GABRQ: variants seen among roughly 807,000 people sequenced by gnomAD.
GABRQ encodes gamma-aminobutyric acid type A receptor subunit theta.
Under a neutral mutation model 30.5 loss-of-function variants are expected in GABRQ, and 19 were observed. The ratio of observed to expected loss-of-function variants is 0.62; its 90% CI spans 0.43 to 0.91. The LOEUF (loss-of-function observed/expected upper bound fraction) is 0.91. Among genes scored for constraint, GABRQ ranks in the 40% least tolerant of loss-of-function variants. GABRQ has a pLI of 0.00. For synonymous variants in GABRQ, 187 were observed against 210.2 expected, an observed-to-expected ratio of 0.89 and a Z score of 0.95; for missense variants, 520 against 521.4, an observed-to-expected ratio of 1.00 and a Z score of 0.03.
chrX:152,657,963 G>A (rs1488272598), downstream of GABRQ, among the ~76,000 whole-genome samples: 1 of 112,092 alleles, frequency 8.9e-6, no homozygotes, highest in Non-Finnish European at 1.9e-5. Context: ...AAACAAAAGG[G>A]TTGGAGGAAA....
chrX:152,649,189 C>T, intron 4 of GABRQ, 62 bp from the exon 5 acceptor site: 3 of 745,659 alleles, frequency 4.0e-6, no homozygotes, highest in Non-Finnish European at 6.4e-6. Context: ...GCAGTTTCCT[C>T]AGCAATGGTT....
intron 2 of GABRQ, among the ~76,000 whole-genome samples, chrX:152,642,542 G>A (rs1556818559): frequency 8.9e-6 from 1 of 112,826 alleles, no homozygotes; most frequent in East Asian, 2.8e-4. Context: ...GCAAAAGGCC[G>A]CCCTTGAGGG....
At chrX:152,645,411 G>T in intron 2 of GABRQ, 116 bp from the exon 3 acceptor site, 1 of 504,324 alleles carries the variant, frequency 2.0e-6, no homozygotes. Context: ...GACTTACTCA[G>T]GATCACACAA....
intron 4 of GABRQ, among the ~76,000 whole-genome samples, chrX:152,648,341 ATTC>A (rs1930937635): frequency 1.9e-5 from 2 of 106,563 alleles, no homozygotes; most frequent in African/African-American, 6.8e-5. Context: ...GACCCCTCAG[ATTC>A]TTCTTCTTTT....
At chrX:152,647,843 T>C (rs1556819478) in intron 4 of GABRQ, among the ~76,000 whole-genome samples, 1 of 112,096 alleles carries the variant, frequency 8.9e-6, no homozygotes, top group African/African-American at 3.2e-5. Flanking sequence ...CAAAGACGTG[T>C]GTAAGAGATC....
At chrX:152,647,356 G>A (rs781786677) in intron 4 of GABRQ, among the ~76,000 whole-genome samples, 188 bp downstream of exon 4, 1 of 111,687 alleles carries the variant, frequency 9.0e-6, no homozygotes, top group South Asian at 3.8e-4. Context: ...GACACCCTTA[G>A]CTGTTCTGTC....
chrX:152,652,242 G>A (rs782231453), intron 8 of GABRQ, among the ~76,000 whole-genome samples: 18 of 112,830 alleles, frequency 1.6e-4, no homozygotes, highest in African/African-American at 5.1e-4. Context: ...CAGAAAGCCC[G>A]GTCCTGCCTG....
In GABRQ at chrX:152,653,318, G is replaced by T; in HGVS notation, c.*37G>T. ...TCCAGAACAGCGGGAGCACTGTGCT[G>T]TGCTCCTTTCAGTTTCTTTTGGGTT... On this transcript the variant is annotated 3_prime_UTR_variant, in exon 9 of 9. Transcript: ENST00000598523. The T allele has an allele frequency of 8.7e-6, 9 of 1,038,072 alleles. No homozygotes were observed. Among genetic ancestry groups the T allele is most frequent in the Non-Finnish European group, 1.1e-5 (8 of 761,872 alleles). 85.5% of individuals were successfully genotyped at this position (1,038,072 alleles called of 1,213,427 possible). A position where few individuals can be genotyped will look rare whatever the true frequency, so the allele number is the denominator to read the frequency against.
intron 2 of GABRQ, among the ~76,000 whole-genome samples, chrX:152,641,111 G>A (rs1208864835): frequency 8.9e-6 from 1 of 111,839 alleles, no homozygotes; most frequent in Non-Finnish European, 1.9e-5. Flanking sequence ...GATTAGAAAC[G>A]ACAAAGAAGC....
chrX:152,642,045 T>C lies in GABRQ; in HGVS notation c.238+1579T>C. 1.8e-5 allele frequency among the ~76,000 whole-genome samples: 2 copies of C among 111,561 alleles called. 1 individual carries two copies. Among genetic ancestry groups the C allele is most frequent in the East Asian group, 5.7e-4 (2 of 3,539 alleles). On this transcript the variant is annotated intron_variant, in intron 2 of 8. Transcript: ENST00000598523. The stretch of plus-strand genomic sequence containing the variant: ...CTGGGGAGGGTTACCCTAAGCTTTG[T>C]GGACGTGCACACCTGCAGCGTGTGA...
intron 2 of GABRQ, among the ~76,000 whole-genome samples, chrX:152,642,956 T>C (rs1369482213): frequency 8.9e-5 from 10 of 112,729 alleles, no homozygotes; most frequent in African/African-American, 3.2e-4. Flanking sequence ...GTGAGGGGAA[T>C]GTGAACTGCA....
At chrX:152,658,171 C>T (rs1556821367), downstream of GABRQ, among the ~76,000 whole-genome samples, 1 of 111,776 alleles carries the variant, frequency 8.9e-6, no homozygotes, top group Admixed American at 9.5e-5. Context: ...CAGAAGCACT[C>T]TGTGTGCCCT....
chrX:152,657,710 G>A (rs73244120), downstream of GABRQ, among the ~76,000 whole-genome samples: 63 of 112,119 alleles, frequency 5.6e-4, no homozygotes, highest in Non-Finnish European at 8.3e-4. Flanking sequence ...TTTTCAAGCC[G>A]AGGGGAATTA....
intron 6 of GABRQ, 90 bp from the exon 7 acceptor site, chrX:152,650,338 T>C: frequency 1.3e-6 from 1 of 789,175 alleles, no homozygotes. Context: ...AACTTCCCAT[T>C]GCTCTCCCCT....
Position 152,647,142 on chromosome X carries a change from A to G in GABRQ, c.501A>G (p.Pro167=). The change falls in exon 4 of 9, where the codon CCA becomes CCG. Residue 167 remains proline (P), a synonymous_variant. Coordinates refer to ENST00000598523, the MANE Select transcript of GABRQ (RefSeq NM_018558.4). ...AGAATCGCGTGTTTCAGCTTCACCC[A>G]GATGGAACGGTGCGGTACGGCATCC... The part of the protein sequence containing the change: ...TVENRVFQLH[P]DGTVRYGIRL... 1 of 1,208,005 alleles carries G rather than the reference A, an allele frequency of 8.3e-7. No individual in the cohort carries two copies. The highest frequency in any genetic ancestry group is 1.1e-6 in the Non-Finnish European group (1 of 891,979).
intron 1 of GABRQ, among the ~76,000 whole-genome samples, 170 bp downstream of exon 1, chrX:152,638,521 G>C (rs1460253240): frequency 8.9e-6 from 1 of 112,001 alleles, no homozygotes; most frequent in Non-Finnish European, 1.9e-5. Flanking sequence ...CCTAGAAGGG[G>C]TAAGGTGGGA....
At chrX:152,644,759 G>A (rs184169615) in intron 2 of GABRQ, among the ~76,000 whole-genome samples, 135 of 111,576 alleles carry the variant, frequency 1.2e-3, no homozygotes, top group African/African-American at 4.3e-3. Flanking sequence ...CATATGTTCA[G>A]TCCCACAAAA....
intron 4 of GABRQ, 91 bp from the exon 5 acceptor site, chrX:152,649,160 C>A: frequency 1.7e-6 from 1 of 605,778 alleles, no homozygotes; most frequent in Non-Finnish European, 2.9e-6. Flanking sequence ...CTTGGGATAA[C>A]TCTTCCCTCC....
At chrX:152,642,574 G>A (rs1930784605) in intron 2 of GABRQ, among the ~76,000 whole-genome samples, 1 of 112,744 alleles carries the variant, frequency 8.9e-6, no homozygotes. Flanking sequence ...TTAGCACCTG[G>A]CATGATTTAG....
Sources: allele counts gnomAD v4.1 joint callset (sites outside exome capture counted in the v4.1 genomes callset), GRCh38; gene constraint gnomAD v4.1.1; transcripts MANE v1.5; gene names NCBI Gene and HGNC (gene_info 2026-07-23, HGNC 2026-07-21).